USP53: variants seen among roughly 807,000 people sequenced by gnomAD.
USP53 encodes the protein ubiquitin specific peptidase 53, also known as ubiquitin carboxyl-terminal hydrolase 53.
USP53 carries 71 observed loss-of-function variants against 94.9 expected under a neutral mutation model. The ratio of observed to expected loss-of-function variants is 0.75; its 90% confidence interval spans 0.62 to 0.91. USP53 has a LOEUF of 0.91. Among genes scored for constraint, USP53 ranks in the 40% least tolerant of loss-of-function variants. The probability of loss-of-function intolerance (pLI) is 0.00; values close to 1 mark genes in which losing one functional copy is unlikely to be tolerated. For missense variants in USP53, 1,173 were observed against 1,281.0 expected (o/e 0.92, Z 1.29); for synonymous variants, 375 against 422.7 (o/e 0.89, Z 1.39).
chr4:119,248,768 A>G lies in USP53; in HGVS notation c.258A>G (p.Gln86=), dbSNP rs371251249. ...CALKTIFAQF[Q]HSREKALPSD... ...CCCAGACGATATTTGCACAGTTCCAACACAGTCGAGAAAAAGCACTTCCCT... is the reference window on the plus strand; with the variant it reads ...CCCAGACGATATTTGCACAGTTCCAGCACAGTCGAGAAAAAGCACTTCCCT... Residue 86 remains glutamine, a synonymous_variant, in exon 7 of 19, where the codon CAA becomes CAG. Coordinates refer to ENST00000692078, the MANE Select transcript of USP53 (RefSeq NM_001371395.1). 163 of 1,613,870 alleles carry G rather than the reference A, an allele frequency of 1.0e-4. No homozygotes were observed. The highest frequency in any genetic ancestry group is 6.9e-4 in the African/African-American group (52 of 75,036).
chr4:119,213,998 T>A (rs148742805), intron 1 of USP53, 72 bp from the exon 2 acceptor site: 4 of 152,184 alleles, frequency 2.6e-5, no homozygotes, highest in Non-Finnish European at 5.9e-5. Context: ...GAGTAGCAAG[T>A]GCTAACACAA....
chr4:119,273,488 T>A, intron 16 of USP53, 144 bp from the exon 17 acceptor site: 1 of 521,200 alleles, frequency 1.9e-6, no homozygotes, highest in East Asian at 3.0e-5. Flanking sequence ...AGATAACAAC[T>A]ACTTTTAAGT....
chr4:119,273,546 A>C lies in USP53; in HGVS notation c.2175-86A>C, dbSNP rs1269590112. The C allele has an allele frequency of 1.1e-5, 11 of 967,218 alleles. No homozygotes were observed. The Admixed American group carries it at 2.5e-4, about 22-fold the overall frequency. 59.9% of individuals were successfully genotyped at this position (967,218 alleles called of 1,614,324 possible). On this transcript the variant is annotated intron_variant, in intron 16 of 18. Transcript: ENST00000692078. ...CTAGAACAGCACATGGCATATAATA[A>C]ATGTTTAACAAATGTTGTTTTTTTT...
chr4:119,286,299 CTGCTT>C (rs1012967406), intron 17 of USP53, among the ~76,000 whole-genome samples: 1 of 150,736 alleles, frequency 6.6e-6, no homozygotes, highest in Non-Finnish European at 1.5e-5. Context: ...CTTGAATACT[CTGCTT>C]TGGGTTTTTT....
Position 119,245,336 on chromosome 4 carries a change from G to C in USP53, c.145-1G>C. ...TTCCTTAACATCTCCCTGTTTTTTA[G>C]GTTTTATGGCAATTGGATATATTCC... On this transcript the variant is annotated splice_acceptor_variant, in intron 5 of 18. Transcript: ENST00000692078. LOFTEE classifies it high-confidence loss of function. The C allele has an allele frequency of 6.2e-7, 1 of 1,612,466 alleles. No homozygotes were observed. Among genetic ancestry groups the C allele is most frequent in the South Asian group, 1.1e-5 (1 of 90,702 alleles).
chr4:119,290,624 T>C (rs1054387226), intron 17 of USP53, among the ~76,000 whole-genome samples: 6 of 152,208 alleles, frequency 3.9e-5, no homozygotes, highest in African/African-American at 1.4e-4. Context: ...TAGTGGTATA[T>C]TTTATATGCT....
Position 119,237,172 on chromosome 4 carries a change from G to GCTTAAAATTTTAAGCTTCAAC in USP53, c.-543+1761_-543+1762insCTTAAAATTTTAAGCTTCAAC, listed in dbSNP as rs1230644720. 3.9e-5 allele frequency among the ~76,000 whole-genome samples: 6 copies of GCTTAAAATTTTAAGCTTCAAC among 152,306 alleles called. No individual in the cohort carries two copies. In the East Asian group the frequency reaches 7.7e-4, roughly 20 times the overall value. Reference sequence around the variant, plus strand: ...TTTTCTGAGCAGTAGGTCTTCAACTGTGAGCTTAAAATATTCAGTAAACCA... The same window carrying GCTTAAAATTTTAAGCTTCAAC: ...TTTTCTGAGCAGTAGGTCTTCAACTGCTTAAAATTTTAAGCTTCAACTGAGCTTAAAATATTCAGTAAACCA... On this transcript the variant is annotated intron_variant, in intron 4 of 18. Coordinates refer to ENST00000692078, the MANE Select transcript of USP53 (RefSeq NM_001371395.1).
intron 11 of USP53, 60 bp downstream of exon 11, chr4:119,260,713 C>A (rs1442236152): frequency 3.8e-6 from 6 of 1,558,632 alleles, no homozygotes; most frequent in South Asian, 1.2e-5. Flanking sequence ...AAACATCATC[C>A]TGATGTTTTA....
intron 9 of USP53, 90 bp downstream of exon 9, chr4:119,256,613 G>T: frequency 7.6e-7 from 1 of 1,308,352 alleles, no homozygotes; most frequent in South Asian, 1.2e-5. Flanking sequence ...TAGCATACAT[G>T]AATTTCCCCT....
In USP53 at chr4:119,292,632, G is replaced by C; in HGVS notation, c.2643G>C (p.Gln881His). ...GLKPETAPLI[Q>H]QQNIMDQCYF... ...AGCCAGAAACTGCTCCTCTCATCCA[G>C]CAACAAAATATCATGGATCAATGTT... Residue 881 changes from glutamine to histidine, a missense_variant, in exon 19 of 19, where the codon CAG becomes CAC. Gln to His is a conservative substitution (Grantham distance 24). Coordinates refer to ENST00000692078, the MANE Select transcript of USP53 (RefSeq NM_001371395.1). The C allele has an allele frequency of 6.2e-7, 1 of 1,614,042 alleles. No homozygotes were observed. The highest frequency in any genetic ancestry group is 2.2e-5 in the East Asian group (1 of 44,872).
chr4:119,229,294 A>G (rs190990985), intron 3 of USP53, among the ~76,000 whole-genome samples: 6 of 152,144 alleles, frequency 3.9e-5, no homozygotes, highest in Non-Finnish European at 8.8e-5. Flanking sequence ...TCAGGCTGCC[A>G]CTTTTCTCAC....
intron 15 of USP53, among the ~76,000 whole-genome samples, chr4:119,270,964 C>T (rs984818438): frequency 1.3e-5 from 2 of 152,154 alleles, no homozygotes; most frequent in Non-Finnish European, 2.9e-5. Flanking sequence ...ATTGGTTTAA[C>T]AAACTTTTAA....
chr4:119,288,484 C>T (rs908080888), intron 17 of USP53, among the ~76,000 whole-genome samples: 5 of 152,198 alleles, frequency 3.3e-5, no homozygotes, highest in East Asian at 1.9e-4. Context: ...TTTGACACTA[C>T]ACCAAGTAGT....
Position 119,286,675 on chromosome 4 carries a change from C to A in USP53, c.2252-4490C>A, listed in dbSNP as rs567319299. 6.6e-5 allele frequency among the ~76,000 whole-genome samples: 10 copies of A among 152,044 alleles called. 1 individual carries two copies. In the South Asian group the frequency reaches 1.7e-3, roughly 25 times the overall value. ...TTGTTTCTTGTTTGTGAATATTAAA[C>A]TTGAAATTATGAATTGGTGAATAAA... On this transcript the variant is annotated intron_variant, in intron 17 of 18. Coordinates refer to ENST00000692078, the MANE Select transcript of USP53 (RefSeq NM_001371395.1).
intron 17 of USP53, among the ~76,000 whole-genome samples, chr4:119,289,661 T>A (rs1457045193): frequency 6.6e-6 from 1 of 152,248 alleles, no homozygotes; most frequent in Non-Finnish European, 1.5e-5. Context: ...TAATTAAAGA[T>A]ACTTTTGTGC....
At chr4:119,280,440 A>G (rs1056711848) in intron 17 of USP53, among the ~76,000 whole-genome samples, 1 of 152,026 alleles carries the variant, frequency 6.6e-6, no homozygotes, top group Admixed American at 6.6e-5. Context: ...TAGCTTAGAA[A>G]CTGGCTGTAG....
chr4:119,272,121 T>A, intron 16 of USP53, 87 bp downstream of exon 16: 1 of 1,404,802 alleles, frequency 7.1e-7, no homozygotes, highest in Non-Finnish European at 9.5e-7. Flanking sequence ...TGGGGTCAAT[T>A]AAATAGAACA....
chr4:119,276,848 A>G (rs1752711319), intron 17 of USP53, among the ~76,000 whole-genome samples: 1 of 101,082 alleles, frequency 9.9e-6, no homozygotes, highest in Non-Finnish European at 2.0e-5. Flanking sequence ...GTGTTGAGGA[A>G]TTTATCCATT....
chr4:119,260,874 C>T (rs1379225236), intron 11 of USP53, among the ~76,000 whole-genome samples: 2 of 151,082 alleles, frequency 1.3e-5, no homozygotes, highest in Admixed American at 6.6e-5. Context: ...TTATGTATGG[C>T]CATGATTGTA....
Sources: allele counts gnomAD v4.1 joint callset (sites outside exome capture counted in the v4.1 genomes callset), GRCh38; gene constraint gnomAD v4.1.1; transcripts MANE v1.5; gene names NCBI Gene and HGNC (gene_info 2026-07-23, HGNC 2026-07-21).